Variants in EDARADD observed in about 807,000 individuals in gnomAD.
EDARADD encodes EDAR associated via death domain.
A neutral mutation model predicts 25.6 loss-of-function variants in EDARADD; 20 were observed. That is an observed-to-expected ratio of 0.78 (90% CI 0.55 to 1.14). The LOEUF (loss-of-function observed/expected upper bound fraction) is 1.14, where lower values mean the gene tolerates loss of function less well. EDARADD is among the 50% of genes most tolerant of loss of function. The probability of loss-of-function intolerance (pLI) is 0.00; values close to 1 mark genes in which losing one functional copy is unlikely to be tolerated. For missense variants in EDARADD, 225 were observed against 270.1 expected (o/e 0.83, Z 1.17); for synonymous variants, 86 against 94.4 (o/e 0.91, Z 0.52).
At chr1:236,462,474 CCAT>C (rs1357960693) in intron 4 of EDARADD, among the ~76,000 whole-genome samples, 2 of 152,122 alleles carry the variant, frequency 1.3e-5, no homozygotes, top group East Asian at 3.9e-4. Context: ...TTTGACTTCT[CCAT>C]CAATCTATCC....
chr1:236,365,237 C>T (rs1036943588), intron 3 of EDARADD, among the ~76,000 whole-genome samples: 14 of 151,810 alleles, frequency 9.2e-5, no homozygotes, highest in African/African-American at 2.2e-4. Context: ...AATCAGGGCT[C>T]GATGCAGCCT....
chr1:236,450,348 C>T (rs1002775988), intron 4 of EDARADD, among the ~76,000 whole-genome samples: 1 of 151,614 alleles, frequency 6.6e-6, no homozygotes, highest in African/African-American at 2.4e-5. Context: ...CTCTTTTTTC[C>T]CTTTGCATGG....
intron 4 of EDARADD, among the ~76,000 whole-genome samples, chr1:236,433,666 C>T (rs1658167151): frequency 6.6e-6 from 1 of 151,736 alleles, no homozygotes; most frequent in African/African-American, 2.4e-5. Context: ...ATTATGCTCA[C>T]TTTACACATC....
rs541636187 is a variant in EDARADD, at chr1:236,455,821, G to T, written c.220-12410G>T. 2.1e-4 allele frequency among the ~76,000 whole-genome samples: 32 copies of T among 152,248 alleles called. No homozygotes were observed. The South Asian group carries it at 6.2e-3, about 30-fold the overall frequency. Reference sequence around the variant, plus strand: ...TTCTTTTTTTTTGAGACGGAGTCTCGCTCTGTCACCCAGGCTGGAGAGCAG... The same window carrying T: ...TTCTTTTTTTTTGAGACGGAGTCTCTCTCTGTCACCCAGGCTGGAGAGCAG... On this transcript the variant is annotated intron_variant, in intron 4 of 5. Transcript: ENST00000334232.
At chr1:236,376,306 T>C (rs1411470061) in intron 3 of EDARADD, among the ~76,000 whole-genome samples, 2 of 152,210 alleles carry the variant, frequency 1.3e-5, no homozygotes, top group African/African-American at 4.8e-5. Flanking sequence ...CATTTTCTTT[T>C]CCTTTAAAGA....
chr1:236,458,643 T>TTC (rs1396577116), intron 4 of EDARADD, among the ~76,000 whole-genome samples: 1 of 105,266 alleles, frequency 9.5e-6, no homozygotes, highest in Admixed American at 8.9e-5. Flanking sequence ...TTCTTTTTCT[T>TTC]TTTTTTTTTT....
chr1:236,356,468 G>A (rs1284418835), intron 3 of EDARADD, among the ~76,000 whole-genome samples: 1 of 152,162 alleles, frequency 6.6e-6, no homozygotes, highest in African/African-American at 2.4e-5. Flanking sequence ...CCCAGTTTGA[G>A]TATCAGTGTT....
chr1:236,476,013 A>C (rs56184262), intron 5 of EDARADD, among the ~76,000 whole-genome samples: 9,969 of 152,008 alleles, frequency 0.066, 476 homozygotes, highest in Non-Finnish European at 0.093. Context: ...CAACATGGTA[A>C]AAGCCTGTCT....
At chr1:236,374,989 G>C (rs907361747) in intron 3 of EDARADD, among the ~76,000 whole-genome samples, 4 of 151,524 alleles carry the variant, frequency 2.6e-5, no homozygotes, top group African/African-American at 9.7e-5. Flanking sequence ...GTCTTCTACA[G>C]TTTTTCTGCT....
chr1:236,349,102 A>C (rs1347058101), intron 2 of EDARADD: 1 of 152,182 alleles, frequency 6.6e-6, no homozygotes, highest in African/African-American at 2.4e-5. Flanking sequence ...ACTAGATTCA[A>C]ACTCCTGGGC....
chr1:236,456,840 C>T (rs1018777395), intron 4 of EDARADD, among the ~76,000 whole-genome samples: 8 of 151,940 alleles, frequency 5.3e-5, no homozygotes. Context: ...TGCAGCCGTC[C>T]TGTGGCCTCA....
intron 3 of EDARADD, among the ~76,000 whole-genome samples, chr1:236,359,658 C>A (rs1235967682): frequency 6.6e-6 from 1 of 152,230 alleles, no homozygotes; most frequent in Non-Finnish European, 1.5e-5. Context: ...AAGCAAGTCA[C>A]GTCTTACGTG....
chr1:236,415,626 G>A (rs1020648677), intron 3 of EDARADD, among the ~76,000 whole-genome samples: 22 of 152,122 alleles, frequency 1.4e-4, no homozygotes, highest in African/African-American at 4.8e-4. Context: ...TGTATTTTTA[G>A]TAGAGGCGGG....
chr1:236,414,737 G>A (rs967080033), intron 3 of EDARADD, among the ~76,000 whole-genome samples: 1 of 152,124 alleles, frequency 6.6e-6, no homozygotes, highest in African/African-American at 2.4e-5. Flanking sequence ...TGTGGGCGTG[G>A]TGGCAGGCAC....
chr1:236,358,877 T>G (rs978985315), intron 3 of EDARADD, among the ~76,000 whole-genome samples: 1 of 152,194 alleles, frequency 6.6e-6, no homozygotes, highest in Non-Finnish European at 1.5e-5. Flanking sequence ...TCTGTAGATA[T>G]CTATCAGGTC....
intron 4 of EDARADD, among the ~76,000 whole-genome samples, chr1:236,466,094 G>A (rs868452538): frequency 6.6e-6 from 1 of 152,256 alleles, no homozygotes; most frequent in Middle Eastern, 3.4e-3. Context: ...AATCTGTCAA[G>A]TTCTAACATT....
intron 4 of EDARADD, among the ~76,000 whole-genome samples, chr1:236,467,830 T>C (rs1444364753): frequency 6.6e-6 from 1 of 151,838 alleles, no homozygotes; most frequent in Non-Finnish European, 1.5e-5. Context: ...CAATCATAGC[T>C]CACTGCAGCC....
At chr1:236,396,757 C>T (rs1286222171) in intron 1 of EDARADD, among the ~76,000 whole-genome samples, 2 of 150,488 alleles carry the variant, frequency 1.3e-5, no homozygotes, top group Non-Finnish European at 3.0e-5. Context: ...AAAATAAATA[C>T]ATTGTCTAGA....
intron 3 of EDARADD, among the ~76,000 whole-genome samples, chr1:236,420,749 A>AT (rs950452597): frequency 9.5e-4 from 143 of 150,118 alleles, no homozygotes; most frequent in African/African-American, 3.0e-3. Flanking sequence ...TCAGGGGAGA[A>AT]TTTTTTTTTT....
Sources: allele counts gnomAD v4.1 joint callset (sites outside exome capture counted in the v4.1 genomes callset), GRCh38; gene constraint gnomAD v4.1.1; transcripts MANE v1.5; gene names NCBI Gene and HGNC (gene_info 2026-07-23, HGNC 2026-07-21).